RBMS3: variants seen among roughly 807,000 people sequenced by gnomAD.
The protein encoded by RBMS3 is RNA-binding motif, single-stranded-interacting protein 3.
Under a neutral mutation model 66.8 loss-of-function variants are expected in RBMS3, and 27 were observed. The observed-to-expected ratio is 0.40, with a 90% confidence interval of 0.30 to 0.56. The LOEUF (loss-of-function observed/expected upper bound fraction) is 0.56. RBMS3 is among the 20% of genes least tolerant of loss of function. RBMS3 has a pLI of 0.40. For synonymous variants in RBMS3, 188 were observed against 183.0 expected, an observed-to-expected ratio of 1.03 and a Z score of -0.22; for missense variants, 513 against 549.5, an observed-to-expected ratio of 0.93 and a Z score of 0.66.
At chr3:29,682,237 C>A (rs542427874) in intron 4 of RBMS3, among the ~76,000 whole-genome samples, 2 of 152,272 alleles carry the variant, frequency 1.3e-5, no homozygotes, top group South Asian at 4.1e-4. Context: ...CCTCCTACTC[C>A]CTGGTTCAAG....
intron 1 of RBMS3, among the ~76,000 whole-genome samples, chr3:29,316,070 A>T (rs1367942375): frequency 1.3e-5 from 2 of 151,706 alleles, no homozygotes; most frequent in African/African-American, 2.4e-5. Flanking sequence ...GATATTAAGA[A>T]TATCTAAGAA....
At chr3:29,943,930 G>A (rs1191883628) in intron 11 of RBMS3, among the ~76,000 whole-genome samples, 2 of 151,602 alleles carry the variant, frequency 1.3e-5, no homozygotes, top group African/African-American at 2.4e-5. Flanking sequence ...ATTCCCTAAG[G>A]GAGGTACCAA....
chr3:29,933,388 T>TC (rs2061181331), intron 10 of RBMS3, among the ~76,000 whole-genome samples: 1 of 152,060 alleles, frequency 6.6e-6, no homozygotes, highest in Non-Finnish European at 1.5e-5. Context: ...GCTGGCAAAC[T>TC]CCCCCTTTGC....
intron 2 of RBMS3, among the ~76,000 whole-genome samples, chr3:29,462,391 A>T (rs1200184406): frequency 6.6e-6 from 1 of 152,190 alleles, no homozygotes; most frequent in East Asian, 1.9e-4. Flanking sequence ...TTGCATGTAC[A>T]TTATCATATG....
chr3:29,450,178 A>C (rs1032497368), intron 2 of RBMS3, among the ~76,000 whole-genome samples: 5 of 152,148 alleles, frequency 3.3e-5, no homozygotes, highest in African/African-American at 1.2e-4. Context: ...AGAGTGTACA[A>C]CTGCCAGCAT....
chr3:29,602,216 C>T (rs2048170268), intron 4 of RBMS3, among the ~76,000 whole-genome samples: 1 of 151,930 alleles, frequency 6.6e-6, no homozygotes, highest in Non-Finnish European at 1.5e-5. Flanking sequence ...ACTTTCTGGC[C>T]ATTTTCCACA....
At chr3:29,488,522 C>T in intron 3 of RBMS3, 23 bp downstream of exon 3, 2 of 1,594,908 alleles carry the variant, frequency 1.3e-6, no homozygotes, top group Non-Finnish European at 1.7e-6. Context: ...GCATCCGTAC[C>T]CTGAAATCTT....
chr3:29,865,383 TA>T (rs1350493159), intron 6 of RBMS3, among the ~76,000 whole-genome samples: 2 of 152,228 alleles, frequency 1.3e-5, no homozygotes, highest in Admixed American at 6.5e-5. Flanking sequence ...ATATGTTTCA[TA>T]AAAGCCATTA....
intron 3 of RBMS3, among the ~76,000 whole-genome samples, chr3:29,534,326 G>A (rs1212424226): frequency 6.6e-6 from 1 of 152,204 alleles, no homozygotes; most frequent in Non-Finnish European, 1.5e-5. Context: ...GAGAGTAATA[G>A]CCAGATACGT....
intron 6 of RBMS3, among the ~76,000 whole-genome samples, chr3:29,778,810 T>C (rs1405295413): frequency 8.6e-5 from 13 of 151,866 alleles, no homozygotes; most frequent in Non-Finnish European, 1.3e-4. Context: ...CATAGAGCAA[T>C]TGGAATGTTT....
At chr3:30,003,284 G>A (rs1194472528) in intron 14 of RBMS3, among the ~76,000 whole-genome samples, 1 of 151,938 alleles carries the variant, frequency 6.6e-6, no homozygotes, top group Non-Finnish European at 1.5e-5. Context: ...CACCTATTGT[G>A]TATATACCAC....
chr3:29,331,917 C>A (rs1463892194), intron 1 of RBMS3, among the ~76,000 whole-genome samples: 1 of 149,658 alleles, frequency 6.7e-6, no homozygotes, highest in Non-Finnish European at 1.5e-5. Flanking sequence ...AGAGCACAGG[C>A]CACATACTAT....
chr3:29,565,206 A>G (rs1446583040), intron 3 of RBMS3, among the ~76,000 whole-genome samples: 1 of 152,178 alleles, frequency 6.6e-6, no homozygotes, highest in Non-Finnish European at 1.5e-5. Flanking sequence ...TATCTTGTAT[A>G]TGGTATTTGA....
Position 29,434,448 on chromosome 3 carries a change from T to C in RBMS3, c.76-295T>C, listed in dbSNP as rs191464786. ...GGAAGAAGATATGCTACTTTACCAA[T>C]CTAAGGAGAGTCACTATAGTCAGAG... On this transcript the variant is annotated intron_variant, in intron 1 of 14. Transcript: ENST00000383767. Among the ~76,000 whole-genome samples, 98 of 152,246 alleles carry C rather than the reference T, an allele frequency of 6.4e-4. 1 individual carries two copies. Among genetic ancestry groups the C allele is most frequent in the Non-Finnish European group, 1.2e-3 (82 of 68,020 alleles).
At chr3:29,388,778 A>C (rs1042295291) in intron 1 of RBMS3, among the ~76,000 whole-genome samples, 5 of 152,090 alleles carry the variant, frequency 3.3e-5, no homozygotes, top group Non-Finnish European at 7.4e-5. Context: ...GTTAGCCAGG[A>C]TGGTCTCAAT....
At chr3:29,660,463 A>C (rs895682768) in intron 4 of RBMS3, among the ~76,000 whole-genome samples, 2 of 152,176 alleles carry the variant, frequency 1.3e-5, no homozygotes, top group Admixed American at 6.5e-5. Flanking sequence ...TAGTTGGATT[A>C]TGTTTTTCAA....
intron 10 of RBMS3, among the ~76,000 whole-genome samples, chr3:29,901,741 G>C (rs371985248): frequency 6.6e-6 from 1 of 151,732 alleles, no homozygotes; most frequent in East Asian, 1.9e-4. Context: ...ATTATGCATC[G>C]TGCTTGAGCT....
At chr3:29,738,562 T>A (rs896215873) in intron 4 of RBMS3, among the ~76,000 whole-genome samples, 1 of 152,194 alleles carries the variant, frequency 6.6e-6, no homozygotes, top group African/African-American at 2.4e-5. Context: ...ATTTAAGCAT[T>A]ATTGGTGCTG....
At chr3:29,482,482 T>G (rs2043160447) in intron 2 of RBMS3, among the ~76,000 whole-genome samples, 1 of 152,254 alleles carries the variant, frequency 6.6e-6, no homozygotes, top group African/African-American at 2.4e-5. Context: ...TGTAATTCAG[T>G]CAAACTACTA....
Sources: allele counts gnomAD v4.1 joint callset (sites outside exome capture counted in the v4.1 genomes callset), GRCh38; gene constraint gnomAD v4.1.1; transcripts MANE v1.5; gene names NCBI Gene and HGNC (gene_info 2026-07-23, HGNC 2026-07-21).